The following SPPL3 variants were observed in gnomAD, a reference collection of about 807,000 sequenced individuals.
SPPL3 encodes signal peptide peptidase like 3.
A neutral mutation model predicts 42.4 loss-of-function variants in SPPL3; 5 were observed. The ratio of observed to expected loss-of-function variants is 0.12; its 90% CI spans 0.06 to 0.25. SPPL3 has a LOEUF of 0.25. Among genes scored for constraint, SPPL3 ranks in the 10% least tolerant of loss-of-function variants. SPPL3 has a pLI of 1.00. For synonymous variants in SPPL3, 195 were observed against 181.8 expected (o/e 1.07, Z -0.58); for missense variants, 235 against 489.0 (o/e 0.48, Z 4.90).
At chr12:120,791,713 T>C in intron 2 of SPPL3, 156 bp from the exon 3 acceptor site, 2 of 582,300 alleles carry the variant, frequency 3.4e-6, no homozygotes, top group Non-Finnish European at 6.0e-6. Flanking sequence ...TAAAAAACAA[T>C]CTTCAGTCCT....
chr12:120,807,479 G>A (rs1870537864), intron 2 of SPPL3, among the ~76,000 whole-genome samples: 1 of 151,986 alleles, frequency 6.6e-6, no homozygotes, highest in Non-Finnish European at 1.5e-5. Flanking sequence ...TTCGAGACCA[G>A]CCTGACCAAC....
intron 1 of SPPL3, among the ~76,000 whole-genome samples, chr12:120,893,392 G>A (rs996377346): frequency 2.6e-5 from 4 of 151,938 alleles, no homozygotes; most frequent in East Asian, 1.9e-4. Flanking sequence ...ATTTTTTTCC[G>A]AGATCAATTT....
At chr12:120,807,355 T>C (rs2893876) in intron 2 of SPPL3, among the ~76,000 whole-genome samples, 62,488 of 151,546 alleles carry the variant, frequency 0.41, 14,454 homozygotes, top group Middle Eastern at 0.56. Context: ...TTTACCACAA[T>C]AAAAAAAATA....
chr12:120,846,356 AATTTTATCAAAGAT>A (rs1360642451), intron 1 of SPPL3, among the ~76,000 whole-genome samples: 1 of 152,248 alleles, frequency 6.6e-6, no homozygotes, highest in Non-Finnish European at 1.5e-5. Flanking sequence ...TTAGCATGGC[AATTTTATCAAAGAT>A]ATATGCTGGG....
chr12:120,881,154 G>A (rs1465792856), intron 1 of SPPL3, among the ~76,000 whole-genome samples: 2 of 151,860 alleles, frequency 1.3e-5, no homozygotes, highest in African/African-American at 4.8e-5. Flanking sequence ...TATGGAAAAT[G>A]GTAATGGTGG....
chr12:120,838,571 G>C (rs1421475756), intron 1 of SPPL3, among the ~76,000 whole-genome samples: 1 of 152,182 alleles, frequency 6.6e-6, no homozygotes, highest in East Asian at 1.9e-4. Context: ...TACTCTATTG[G>C]AAAAACTTCT....
intron 1 of SPPL3, among the ~76,000 whole-genome samples, chr12:120,856,503 C>T (rs74425834): frequency 7.4e-4 from 66 of 89,130 alleles, no homozygotes; most frequent in South Asian, 1.4e-3. Flanking sequence ...CAATTTTCAT[C>T]TTTTTTTTTT....
intron 1 of SPPL3, among the ~76,000 whole-genome samples, chr12:120,841,303 C>T (rs1239139766): frequency 1.2e-4 from 18 of 151,482 alleles, no homozygotes; most frequent in Admixed American, 1.1e-3. Context: ...CCAGCCTGGG[C>T]AACAAGAGCG....
At chr12:120,781,826 G>A (rs865817399) in intron 6 of SPPL3, among the ~76,000 whole-genome samples, 1 of 151,704 alleles carries the variant, frequency 6.6e-6, no homozygotes, top group Non-Finnish European at 1.5e-5. Context: ...CTGACCTTGT[G>A]ATCCGCCTGC....
At chr12:120,870,799 G>A (rs1203832246) in intron 1 of SPPL3, among the ~76,000 whole-genome samples, 1 of 152,102 alleles carries the variant, frequency 6.6e-6, no homozygotes, top group Admixed American at 6.6e-5. Flanking sequence ...ATAGACAGTG[G>A]AATGGTGGCT....
At chr12:120,820,306 A>ATTTTTTTTT (rs11374486) in intron 1 of SPPL3, among the ~76,000 whole-genome samples, 9 of 100,996 alleles carry the variant, frequency 8.9e-5, no homozygotes, top group Admixed American at 1.2e-4. Flanking sequence ...CTTTCTCTAA[A>ATTTTTTTTT]TTTTTTTTTT....
chr12:120,779,073 A>AAG (rs1324500204), intron 6 of SPPL3, among the ~76,000 whole-genome samples: 8 of 152,232 alleles, frequency 5.3e-5, no homozygotes, highest in Admixed American at 4.6e-4. Flanking sequence ...ACAACAGAGC[A>AAG]AGAACCTTTC....
intron 2 of SPPL3, among the ~76,000 whole-genome samples, chr12:120,809,745 C>T (rs777303112): frequency 5.3e-5 from 8 of 152,150 alleles, no homozygotes; most frequent in Non-Finnish European, 8.8e-5. Flanking sequence ...GTCTCAGCAT[C>T]TCCAAGGTTA....
At chr12:120,810,936 T>C (rs780037002) in intron 1 of SPPL3, 50 bp from the exon 2 acceptor site, 2 of 1,376,910 alleles carry the variant, frequency 1.5e-6, no homozygotes, top group Non-Finnish European at 2.1e-6. Flanking sequence ...TGAGTCCTAA[T>C]GGAGCTTACA....
In SPPL3 at chr12:120,782,727, A is replaced by C; in HGVS notation, c.430T>G (p.Leu144Val). Residue 144 changes from leucine (L) to valine (V), a missense_variant, in exon 6 of 11, where the codon TTG (leucine) becomes GTG (valine). Coordinates refer to ENST00000353487, the MANE Select transcript of SPPL3 (RefSeq NM_139015.5). ...GCCGRFTAAE[L>V]LSFSLSVMLV... is the part of the protein sequence containing the mutation. ...ATGACAGACAGAGAGAATGACAGCA[A>C]CTCAGCAGCAGTGAAACGTCCACAG... 3 of 1,610,170 alleles carry C rather than the reference A, an allele frequency of 1.9e-6. No individual in the cohort carries two copies. Among genetic ancestry groups the C allele is most frequent in the Non-Finnish European group, 2.5e-6 (3 of 1,177,844 alleles).
chr12:120,832,622 C>T (rs1871463573), intron 1 of SPPL3, among the ~76,000 whole-genome samples: 2 of 151,550 alleles, frequency 1.3e-5, no homozygotes, highest in South Asian at 2.1e-4. Flanking sequence ...GCTGAGATCA[C>T]ACCATTGCAC....
intron 2 of SPPL3, among the ~76,000 whole-genome samples, chr12:120,799,873 T>C (rs1870230300): frequency 6.6e-6 from 1 of 152,188 alleles, no homozygotes; most frequent in African/African-American, 2.4e-5. Flanking sequence ...CCGGTAAAGT[T>C]ACTCACACTG....
intron 6 of SPPL3, among the ~76,000 whole-genome samples, chr12:120,780,238 C>A (rs949657425): frequency 2.0e-5 from 3 of 149,580 alleles, no homozygotes; most frequent in Non-Finnish European, 4.5e-5. Context: ...TTTGGGAGGA[C>A]TGCTTGAGGC....
chr12:120,897,446 G>A (rs1005397030), intron 1 of SPPL3, among the ~76,000 whole-genome samples: 6 of 152,184 alleles, frequency 3.9e-5, no homozygotes, highest in African/African-American at 1.2e-4. Flanking sequence ...AGCAAGGGCC[G>A]GGAGCGGTGG....
Sources: allele counts gnomAD v4.1 joint callset (sites outside exome capture counted in the v4.1 genomes callset), GRCh38; gene constraint gnomAD v4.1.1; transcripts MANE v1.5; gene names NCBI Gene and HGNC (gene_info 2026-07-23, HGNC 2026-07-21).